DENND1A: variants seen among roughly 807,000 people sequenced by gnomAD.
The protein encoded by DENND1A is DENN domain-containing protein 1A.
DENND1A carries 51 observed loss-of-function variants against 113.7 expected under a neutral mutation model. The observed-to-expected ratio is 0.45, with a 90% CI of 0.36 to 0.57. The LOEUF is 0.57. DENND1A is among the 20% of genes least tolerant of loss of function. The pLI, the probability that DENND1A is intolerant of heterozygous loss-of-function variation, is 0.00. For synonymous variants in DENND1A, 565 were observed against 570.8 expected (o/e 0.99, Z 0.14); for missense variants, 1,258 against 1,395.9 (o/e 0.90, Z 1.57).
intron 3 of DENND1A, among the ~76,000 whole-genome samples, chr9:123,791,804 A>C (rs1448858203): frequency 6.6e-6 from 1 of 152,226 alleles, no homozygotes; most frequent in Non-Finnish European, 1.5e-5. Context: ...TATTCAGTGT[A>C]ATCAAGAATG....
intron 13 of DENND1A, among the ~76,000 whole-genome samples, chr9:123,546,330 C>T (rs377568340): frequency 5.3e-5 from 8 of 152,050 alleles, no homozygotes; most frequent in East Asian, 3.9e-4. Context: ...GGGCAGATCA[C>T]CAGGTCAGGA....
At chr9:123,804,869 T>C (rs1052886260) in intron 2 of DENND1A, among the ~76,000 whole-genome samples, 1 of 152,174 alleles carries the variant, frequency 6.6e-6, no homozygotes, top group African/African-American at 2.4e-5. Context: ...GGTTCCAATT[T>C]CCTGTAGTCT....
intron 22 of DENND1A, among the ~76,000 whole-genome samples, chr9:123,386,880 G>T (rs1168104408): frequency 1.3e-5 from 2 of 152,214 alleles, no homozygotes; most frequent in East Asian, 3.8e-4. Context: ...CTGGGGTTTG[G>T]GAACAGGGAG....
intron 12 of DENND1A, among the ~76,000 whole-genome samples, chr9:123,578,740 C>A (rs2058741468): frequency 6.6e-6 from 1 of 152,062 alleles, no homozygotes; most frequent in Non-Finnish European, 1.5e-5. Context: ...GGGAAATGGG[C>A]AATAAATCAG....
chr9:123,669,889 C>T (rs75285284), intron 7 of DENND1A, among the ~76,000 whole-genome samples: 3,262 of 152,258 alleles, frequency 0.021, 47 homozygotes, highest in Non-Finnish European at 0.034. Context: ...CCTTCTCTCC[C>T]TCTCCTTCCA....
intron 13 of DENND1A, among the ~76,000 whole-genome samples, chr9:123,504,234 C>T (rs1370690062): frequency 1.3e-5 from 2 of 152,148 alleles, no homozygotes; most frequent in Admixed American, 6.5e-5. Flanking sequence ...TTCGAGGTCC[C>T]GCCAAAATAT....
intron 21 of DENND1A, chr9:123,401,898 G>A: frequency 1.9e-6 from 3 of 1,614,182 alleles, no homozygotes; most frequent in East Asian, 2.2e-5. Context: ...TGTAGCTGGT[G>A]TTGCAATGGT....
At chr9:123,559,206 G>C (rs2057598321) in intron 12 of DENND1A, among the ~76,000 whole-genome samples, 1 of 152,168 alleles carries the variant, frequency 6.6e-6, no homozygotes, top group Non-Finnish European at 1.5e-5. Flanking sequence ...GCGAAAATGA[G>C]GGGAATATGG....
chr9:123,636,489 G>C (rs1418787102), intron 9 of DENND1A, among the ~76,000 whole-genome samples: 2 of 151,726 alleles, frequency 1.3e-5, no homozygotes, highest in African/African-American at 2.4e-5. Context: ...ATTAATGTTT[G>C]TATTTTTAGC....
At chr9:123,739,145 G>C (rs1054753376) in intron 5 of DENND1A, among the ~76,000 whole-genome samples, 3 of 152,112 alleles carry the variant, frequency 2.0e-5, no homozygotes, top group Admixed American at 2.0e-4. Context: ...TCTGATTTCA[G>C]GGTTGCTTTT....
At chr9:123,550,107 G>C (rs1226179665) in intron 13 of DENND1A, among the ~76,000 whole-genome samples, 4 of 152,144 alleles carry the variant, frequency 2.6e-5, no homozygotes, top group African/African-American at 7.2e-5. Flanking sequence ...CGTCCTCCAG[G>C]GGTTTTAGGT....
intron 5 of DENND1A, among the ~76,000 whole-genome samples, chr9:123,703,066 C>T (rs968927353): frequency 6.6e-6 from 1 of 152,210 alleles, no homozygotes; most frequent in Non-Finnish European, 1.5e-5. Flanking sequence ...ACTGCAACTT[C>T]TGCCTCCTGG....
chr9:123,784,947 C>T (rs899646732), intron 3 of DENND1A, among the ~76,000 whole-genome samples: 1 of 152,122 alleles, frequency 6.6e-6, no homozygotes, highest in African/African-American at 2.4e-5. Flanking sequence ...TTGAAATATA[C>T]TTTCGTTAAG....
intron 2 of DENND1A, among the ~76,000 whole-genome samples, chr9:123,794,934 GA>G (rs113554925): frequency 0.024 from 3,588 of 152,138 alleles, 155 homozygotes; most frequent in African/African-American, 0.081. Flanking sequence ...TGCCTCAATG[GA>G]AAGCAATATA....
At chr9:123,606,278 G>C (rs1259420121) in intron 11 of DENND1A, among the ~76,000 whole-genome samples, 2 of 152,184 alleles carry the variant, frequency 1.3e-5, no homozygotes, top group Non-Finnish European at 2.9e-5. Flanking sequence ...AAGTGTCTTG[G>C]CTGGTTTCAA....
At chr9:123,827,816 C>G (rs1420766172) in intron 2 of DENND1A, among the ~76,000 whole-genome samples, 1 of 152,066 alleles carries the variant, frequency 6.6e-6, no homozygotes, top group African/African-American at 2.4e-5. Flanking sequence ...CTTCAAATCA[C>G]CTAAACCCCT....
At chr9:123,706,590 C>A (rs1312550394) in intron 5 of DENND1A, among the ~76,000 whole-genome samples, 1 of 151,000 alleles carries the variant, frequency 6.6e-6, no homozygotes, top group South Asian at 2.1e-4. Flanking sequence ...GCTAACACAG[C>A]GAAACCCGGT....
intron 12 of DENND1A, among the ~76,000 whole-genome samples, chr9:123,557,950 C>T (rs923565106): frequency 3.3e-5 from 5 of 151,762 alleles, no homozygotes; most frequent in Non-Finnish European, 7.4e-5. Flanking sequence ...CGAGATTGCG[C>T]CATTGCACTC....
chr9:123,533,182 A>G (rs2055469028), intron 13 of DENND1A, among the ~76,000 whole-genome samples: 1 of 152,222 alleles, frequency 6.6e-6, no homozygotes, highest in Non-Finnish European at 1.5e-5. Context: ...TAATTCTACC[A>G]CTTACTAGCC....
Sources: gnomAD v4.1 joint callset for allele counts (sites outside exome capture counted in the v4.1 genomes callset) on GRCh38, gnomAD v4.1.1 for gene constraint, MANE v1.5 for transcripts, NCBI Gene and HGNC (gene_info 2026-07-23, HGNC 2026-07-21) for gene names.